ZNF534: variants seen among roughly 807,000 people sequenced by gnomAD.
ZNF534 encodes KRAB domain only 3.
Under a neutral mutation model 13.6 loss-of-function variants are expected in ZNF534, and 19 were observed. That is an observed-to-expected ratio of 1.40 (90% CI 0.97 to 2.05). ZNF534 has a LOEUF of 2.05. ZNF534 is among the 30% of genes most tolerant of loss of function. The pLI is 0.00. For synonymous variants in ZNF534, 244 were observed against 273.8 expected (o/e 0.89, Z 1.07); for missense variants, 782 against 796.3 (o/e 0.98, Z 0.22).
In ZNF534 at chr19:52,439,039, T is replaced by C. The variant is rs760110929; in HGVS notation, c.1579T>C (p.Cys527Arg). The change falls in exon 5 of 5, where the codon TGT becomes CGT. Residue 527 changes from cysteine to arginine, a missense_variant. Physicochemically the swap from Cys to Arg is radical, Grantham distance 180. Coordinates refer to ENST00000433050, the MANE Select transcript of ZNF534 (RefSeq NM_001143938.3). ...TGEKPYSCNE[C>R]GKVFRRNSHL... ...AGAGAAGCCTTACAGTTGTAATGAA[T>C]GTGGCAAGGTCTTCCGTCGGAATTC... 15 of 1,598,916 alleles carry C rather than the reference T, an allele frequency of 9.4e-6. No individual in the cohort carries two copies. The highest frequency in any genetic ancestry group is 1.3e-5 in the Non-Finnish European group (15 of 1,172,298).
downstream of ZNF534, among the ~76,000 whole-genome samples, chr19:52,443,456 AT>A (rs796144496): frequency 6.0e-4 from 91 of 151,954 alleles, no homozygotes; most frequent in African/African-American, 2.1e-3. Context: ...ATATTTTCTT[AT>A]TTTTTCTTTG....
chr19:52,430,891 C>T (rs2057620419), intron 1 of ZNF534, among the ~76,000 whole-genome samples: 1 of 151,054 alleles, frequency 6.6e-6, no homozygotes, highest in Non-Finnish European at 1.5e-5. Context: ...CACCCTGTCA[C>T]CCAGGCTGGA....
Position 52,442,114 on chromosome 19 carries a change from T to C in ZNF534, c.*2668T>C, listed in dbSNP as rs2059176955. Among the ~76,000 whole-genome samples, 1 of 152,222 alleles carries C rather than the reference T, an allele frequency of 6.6e-6. No homozygotes were observed. The highest frequency in any genetic ancestry group is 2.4e-5 in the African/African-American group (1 of 41,462). On this transcript the variant is annotated 3_prime_UTR_variant, in exon 5 of 5. Transcript: ENST00000433050. ...GCTGAGGATATCCAAGGACCATTAC[T>C]ATAGAACATGAAAAGGATTTAATTA... is the stretch of plus-strand genomic sequence containing the variant.
rs201357778 is a variant in ZNF534 at position 52,434,057 on chromosome 19, A to C, written c.118A>C (p.Asn40His). ...KALYRDVMLE[N>H]YRNLVSLGIC... ...TTTATACAGGGACGTGATGTTAGAG[A>C]ACTACAGGAACCTGGTCTCCCTAGG... Residue 40 changes from asparagine (N) to histidine (H), a missense_variant, in exon 3 of 5, where the codon AAC (asparagine) becomes CAC (histidine). Around this residue, in one of 5 missense-constraint regions of ZNF534, gnomAD observed 81 missense variants for 63.5 expected, o/e 1.28. Coordinates refer to ENST00000433050, the MANE Select transcript of ZNF534 (RefSeq NM_001143938.3). 176 of 1,614,146 alleles carry C rather than the reference A, an allele frequency of 1.1e-4. 2 individuals are homozygous for C. In the South Asian group the frequency reaches 1.8e-3, roughly 16 times the overall value.
downstream of ZNF534, among the ~76,000 whole-genome samples, chr19:52,446,037 A>G (rs1333257843): frequency 6.6e-6 from 1 of 152,198 alleles, no homozygotes; most frequent in Non-Finnish European, 1.5e-5. Context: ...AATTATGAAA[A>G]AGAAGTGTTC....
chr19:52,444,329 T>C (rs2059186773), downstream of ZNF534, among the ~76,000 whole-genome samples: 1 of 152,202 alleles, frequency 6.6e-6, no homozygotes, highest in South Asian at 2.1e-4. Flanking sequence ...GGGGGTTGTC[T>C]GCACAGAGTC....
intron 2 of ZNF534, among the ~76,000 whole-genome samples, chr19:52,433,270 C>T (rs117837215): frequency 0.024 from 3,496 of 145,296 alleles, 57 homozygotes; most frequent in Non-Finnish European, 0.036. Context: ...AGAAAGAAAG[C>T]ACTGTAGACA....
exon 5 of ZNF534, chr19:52,451,803 A>G (rs1035149256): frequency 2.8e-6 from 2 of 718,982 alleles, no homozygotes; most frequent in African/African-American, 3.5e-5. Flanking sequence ...TTTGCAAAGA[A>G]AAGTTTGAAG....
At position 52,438,233 on chromosome 19, in the gene ZNF534, CACA is replaced by C; in HGVS notation, c.777_779del (p.Gln259del). On this transcript the variant is annotated inframe_deletion, in exon 5 of 5. Transcript: ENST00000433050. ...GTCTTCAATCAGAATTCACACCTTG[CACA>C]ACATCAGAAAATTCATACTGGACAG... The C allele has an allele frequency of 3.1e-6, 5 of 1,614,034 alleles. No homozygotes were observed. Among genetic ancestry groups the C allele is most frequent in the South Asian group, 1.1e-5 (1 of 91,066 alleles).
chr19:52,445,118 C>A (rs1274341850), downstream of ZNF534, among the ~76,000 whole-genome samples: 1 of 152,114 alleles, frequency 6.6e-6, no homozygotes, highest in African/African-American at 2.4e-5. Context: ...CCCCCAGGAC[C>A]CCTGTGAGGC....
chr19:52,437,138 A>G (rs1353874916), intron 4 of ZNF534, among the ~76,000 whole-genome samples: 2 of 152,130 alleles, frequency 1.3e-5, no homozygotes, highest in Non-Finnish European at 2.9e-5. Context: ...CTGCTCTTAA[A>G]TATCTTATTT....
chr19:52,451,375 G>C, exon 5 of ZNF534: 1 of 920,852 alleles, frequency 1.1e-6, no homozygotes, highest in Non-Finnish European at 1.7e-6. Flanking sequence ...GAGGCTCACG[G>C]CAGAGGGCCG....
At chr19:52,433,236 CAAAAAAAAA>C (rs1171627054) in intron 2 of ZNF534, among the ~76,000 whole-genome samples, 1 of 64,618 alleles carries the variant, frequency 1.5e-5, no homozygotes, top group Non-Finnish European at 2.9e-5. Context: ...GATCCTATCT[CAAAAAAAAA>C]AAAAAAAAAA....
Position 52,433,459 on chromosome 19 carries a change from T to C in ZNF534, c.16-496T>C, listed in dbSNP as rs142442243. On this transcript the variant is annotated intron_variant, in intron 2 of 4. Transcript: ENST00000433050. ...TCAGCTCACTGCAATGTCCCACTCC[T>C]GGGTTCACACCATTCTCCTGCCTCA... Among the ~76,000 whole-genome samples, 539 of 152,144 alleles carry C rather than the reference T, an allele frequency of 3.5e-3. 1 individual carries two copies. The highest frequency in any genetic ancestry group is 6.0e-3 in the Admixed American group (91 of 15,270).
At chr19:52,443,457 T>C (rs143147223), downstream of ZNF534, among the ~76,000 whole-genome samples, 962 of 152,146 alleles carry the variant, frequency 6.3e-3, 2 homozygotes, top group Non-Finnish European at 0.01. Context: ...TATTTTCTTA[T>C]TTTTTCTTTG....
At chr19:52,443,795 T>C (rs2059184964), downstream of ZNF534, among the ~76,000 whole-genome samples, 1 of 151,944 alleles carries the variant, frequency 6.6e-6, no homozygotes, top group African/African-American at 2.4e-5. Context: ...TCTGAAATTC[T>C]TTCTTCTGCT....
chr19:52,444,845 C>A (rs2059188758), downstream of ZNF534, among the ~76,000 whole-genome samples: 1 of 152,160 alleles, frequency 6.6e-6, no homozygotes, highest in South Asian at 2.1e-4. Flanking sequence ...CTCACTCCCA[C>A]CGTGCCCCCA....
chr19:52,433,948 C>T lies in ZNF534; in HGVS notation c.16-7C>T. ...ACCCTGTTTTTGAAATGTGGATTTC[C>T]TTTTAGGGGCAATTGTCATTCAGCG... On this transcript the variant is annotated splice_polypyrimidine_tract_variant and splice_region_variant and intron_variant, in intron 2 of 4. Coordinates refer to ENST00000433050, the MANE Select transcript of ZNF534 (RefSeq NM_001143938.3). 1 of 1,613,678 alleles carries T rather than the reference C, an allele frequency of 6.2e-7. No homozygotes were observed. Among genetic ancestry groups the T allele is most frequent in the African/African-American group, 1.3e-5 (1 of 74,982 alleles).
At chr19:52,433,403 G>A (rs2059103480) in intron 2 of ZNF534, among the ~76,000 whole-genome samples, 1 of 151,438 alleles carries the variant, frequency 6.6e-6, no homozygotes, top group South Asian at 2.1e-4. Context: ...GTCTCACTCT[G>A]TCACCCAGGC....
Sources: allele counts gnomAD v4.1 joint callset (sites outside exome capture counted in the v4.1 genomes callset), GRCh38; gene constraint gnomAD v4.1.1; regional missense constraint gnomAD v4.1.1; transcripts MANE v1.5; gene names NCBI Gene and HGNC (gene_info 2026-07-23, HGNC 2026-07-21).